SORCS3: variants seen among roughly 807,000 people sequenced by gnomAD.
SORCS3 encodes the protein VPS10 domain-containing receptor SorCS3.
Under a neutral mutation model 146.3 loss-of-function variants are expected in SORCS3, and 57 were observed. The observed-to-expected ratio is 0.39, with a 90% CI of 0.31 to 0.49. The LOEUF (loss-of-function observed/expected upper bound fraction) is 0.49, where lower values mean the gene tolerates loss of function less well. Ranked by LOEUF, SORCS3 falls within the 20% of genes least tolerant of loss-of-function variation. SORCS3 has a pLI of 0.92. For missense variants in SORCS3, 1,341 were observed against 1,575.5 expected (o/e 0.85, Z 2.52); for synonymous variants, 653 against 618.5 (o/e 1.06, Z -0.83).
At chr10:104,896,706 A>C (rs1465836006) in intron 2 of SORCS3, among the ~76,000 whole-genome samples, 3 of 152,242 alleles carry the variant, frequency 2.0e-5, no homozygotes, top group Non-Finnish European at 4.4e-5. Context: ...GTTGAAAAAA[A>C]TCAAAAGGAT....
chr10:104,933,167 A>G (rs892522910), intron 3 of SORCS3, among the ~76,000 whole-genome samples: 1 of 152,236 alleles, frequency 6.6e-6, no homozygotes, highest in Non-Finnish European at 1.5e-5. Context: ...AGCATAGGAA[A>G]CATATGAGTT....
At chr10:105,009,826 A>G (rs1048609443) in intron 4 of SORCS3, among the ~76,000 whole-genome samples, 2 of 152,112 alleles carry the variant, frequency 1.3e-5, no homozygotes, top group Non-Finnish European at 2.9e-5. Flanking sequence ...CTGGCTGGGA[A>G]GAAAACTTGC....
intron 2 of SORCS3, among the ~76,000 whole-genome samples, chr10:104,887,631 T>C (rs2018702652): frequency 6.6e-6 from 1 of 152,152 alleles, no homozygotes; most frequent in South Asian, 2.1e-4. Context: ...CCTGCGATCT[T>C]GTCTGCCTCA....
At chr10:104,759,671 T>C (rs1198665334) in intron 1 of SORCS3, among the ~76,000 whole-genome samples, 1 of 152,168 alleles carries the variant, frequency 6.6e-6, no homozygotes, top group Non-Finnish European at 1.5e-5. Flanking sequence ...CTCACCTCCT[T>C]GGGATATCTT....
intron 1 of SORCS3, among the ~76,000 whole-genome samples, chr10:104,718,714 A>G (rs559688513): frequency 1.2e-4 from 19 of 152,352 alleles, no homozygotes; most frequent in African/African-American, 4.6e-4. Context: ...GAATTTCAGT[A>G]AAGACCATAA....
At chr10:105,064,214 CTG>C in intron 5 of SORCS3, among the ~76,000 whole-genome samples, 1 of 152,248 alleles carries the variant, frequency 6.6e-6, no homozygotes, top group East Asian at 1.9e-4. Context: ...TGATTACTAA[CTG>C]TGGTAAGAGC....
chr10:104,665,161 T>A (rs966577493), intron 1 of SORCS3: 1 of 152,258 alleles, frequency 6.6e-6, no homozygotes, highest in Non-Finnish European at 1.5e-5. Context: ...CACAGTTATC[T>A]CTATGCATGT....
rs148411311 is a variant in SORCS3, at chr10:104,835,506, G to A, written c.628-7286G>A. On this transcript the variant is annotated intron_variant, in intron 1 of 26. Coordinates refer to ENST00000369701, the MANE Select transcript of SORCS3 (RefSeq NM_014978.3). ...AATGAACTAAAGTAATTTTCCTTCA[G>A]AGTAAAATTTTACAGGCATTAAAGG... 3.6e-3 allele frequency among the ~76,000 whole-genome samples: 551 copies of A among 152,304 alleles called. 5 individuals are homozygous for A. Among genetic ancestry groups the A allele is most frequent in the Middle Eastern group, 0.014 (4 of 294 alleles).
At chr10:104,888,075 C>T (rs1589537000) in intron 2 of SORCS3, among the ~76,000 whole-genome samples, 2 of 152,040 alleles carry the variant, frequency 1.3e-5, no homozygotes, top group East Asian at 3.9e-4. Context: ...CTGTGCTCTC[C>T]CCTTGGACCT....
At chr10:104,682,882 C>A (rs893223577) in intron 1 of SORCS3, among the ~76,000 whole-genome samples, 2 of 152,174 alleles carry the variant, frequency 1.3e-5, no homozygotes, top group Non-Finnish European at 2.9e-5. Context: ...GCAGATGCAG[C>A]AGCCCCTGAA....
At chr10:105,017,588 A>G (rs2055175766) in intron 4 of SORCS3, among the ~76,000 whole-genome samples, 2 of 152,182 alleles carry the variant, frequency 1.3e-5, no homozygotes, top group South Asian at 4.1e-4. Flanking sequence ...ATTATTGGAA[A>G]TAGAATATGG....
At chr10:104,850,547 G>T (rs1053781054) in intron 2 of SORCS3, among the ~76,000 whole-genome samples, 2 of 152,184 alleles carry the variant, frequency 1.3e-5, no homozygotes, top group Non-Finnish European at 2.9e-5. Flanking sequence ...ATCAGCTACT[G>T]CACTCCAACC....
At chr10:104,668,271 C>G (rs561210345) in intron 1 of SORCS3, among the ~76,000 whole-genome samples, 27 of 152,304 alleles carry the variant, frequency 1.8e-4, no homozygotes, top group African/African-American at 6.5e-4. Flanking sequence ...TCTAAGGGGG[C>G]CCTTCTGGAC....
chr10:104,685,462 A>G (rs1423031311), intron 1 of SORCS3, among the ~76,000 whole-genome samples: 1 of 152,186 alleles, frequency 6.6e-6, no homozygotes, highest in Non-Finnish European at 1.5e-5. Flanking sequence ...CTGCCCACCC[A>G]GGAGGAAGAG....
intron 1 of SORCS3, among the ~76,000 whole-genome samples, chr10:104,720,634 C>T (rs1345663250): frequency 6.6e-6 from 1 of 152,182 alleles, no homozygotes; most frequent in Non-Finnish European, 1.5e-5. Flanking sequence ...CTCTCCAGCA[C>T]CTGTTGTTTC....
chr10:104,677,467 A>C (rs2015923795), intron 1 of SORCS3, among the ~76,000 whole-genome samples: 1 of 152,194 alleles, frequency 6.6e-6, no homozygotes, highest in African/African-American at 2.4e-5. Context: ...GCAGTGTTTT[A>C]ATGTATTCGG....
At chr10:104,911,224 T>C (rs777392500) in intron 2 of SORCS3, among the ~76,000 whole-genome samples, 4 of 152,238 alleles carry the variant, frequency 2.6e-5, no homozygotes, top group Admixed American at 6.5e-5. Context: ...GTGGCCATCC[T>C]GGAAAGGACA....
chr10:105,171,285 T>A (rs1843095), intron 13 of SORCS3, among the ~76,000 whole-genome samples: 146,122 of 152,286 alleles, frequency 0.96, 70,159 homozygotes, highest in East Asian at 1. Flanking sequence ...GACCATGTAC[T>A]TTTGGATGCA....
At chr10:105,032,206 A>G (rs922040496) in intron 4 of SORCS3, among the ~76,000 whole-genome samples, 1 of 152,132 alleles carries the variant, frequency 6.6e-6, no homozygotes, top group Non-Finnish European at 1.5e-5. Context: ...AAAAGAAAGA[A>G]AGAAAACATT....
Sources: allele counts gnomAD v4.1 joint callset (sites outside exome capture counted in the v4.1 genomes callset), GRCh38; gene constraint gnomAD v4.1.1; transcripts MANE v1.5; gene names NCBI Gene and HGNC (gene_info 2026-07-23, HGNC 2026-07-21).